C12orf42: variants seen among roughly 807,000 people sequenced by gnomAD.
The protein encoded by C12orf42 is chromosome 12 open reading frame 42.
A neutral mutation model predicts 21.6 loss-of-function variants in C12orf42; 25 were observed. The observed-to-expected ratio is 1.16, with a 90% CI of 0.84 to 1.62. The LOEUF (loss-of-function observed/expected upper bound fraction) is 1.62, where lower values mean the gene tolerates loss of function less well. Among genes scored for constraint, C12orf42 ranks in the 40% most tolerant of loss-of-function variants. The pLI, the probability that C12orf42 is intolerant of heterozygous loss-of-function variation, is 0.00. For synonymous variants in C12orf42, 174 were observed against 175.0 expected (o/e 0.99, Z 0.05); for missense variants, 483 against 459.3 (o/e 1.05, Z -0.47).
chr12:103,560,429 T>A, the C12orf42 span, among the ~76,000 whole-genome samples: 1 of 10,298 alleles, frequency 9.7e-5, no homozygotes, highest in African/African-American at 2.0e-4. Context: ...AGTGTCTTCA[T>A]CTTTTAAATA....
chr12:103,250,874 CTGTG>C (rs3063697), intron 10 of C12orf42, among the ~76,000 whole-genome samples: 3 of 149,492 alleles, frequency 2.0e-5, no homozygotes, highest in East Asian at 2.0e-4. Context: ...TCTTTTATCA[CTGTG>C]TGTGTGTGTG....
chr12:103,121,035 C>A, the C12orf42 span, among the ~76,000 whole-genome samples: 1 of 152,070 alleles, frequency 6.6e-6, no homozygotes, highest in Non-Finnish European at 1.5e-5. Flanking sequence ...CTGGCAAAAT[C>A]ATTTAAGTCA....
chr12:103,425,950 A>T (rs548794249), intron 2 of C12orf42, among the ~76,000 whole-genome samples: 2 of 152,342 alleles, frequency 1.3e-5, no homozygotes, highest in Admixed American at 6.5e-5. Context: ...CAAAAACCCC[A>T]TCCAAAGGTC....
At chr12:103,365,079 A>C (rs976013018) in intron 4 of C12orf42, among the ~76,000 whole-genome samples, 1 of 152,084 alleles carries the variant, frequency 6.6e-6, no homozygotes, top group African/African-American at 2.4e-5. Flanking sequence ...TCCTTAACAA[A>C]ATACTAGCTA....
At chr12:103,421,622 TC>T (rs1161259870) in intron 2 of C12orf42, among the ~76,000 whole-genome samples, 1 of 140,872 alleles carries the variant, frequency 7.1e-6, no homozygotes, top group African/African-American at 2.7e-5. Context: ...TAAATAAATA[TC>T]AGCATGATCA....
At chr12:103,386,034 A>G (rs1316931874) in intron 3 of C12orf42, among the ~76,000 whole-genome samples, 1 of 152,242 alleles carries the variant, frequency 6.6e-6, no homozygotes, top group Non-Finnish European at 1.5e-5. Flanking sequence ...GCACGGTTCT[A>G]GGCATTTCAC....
chr12:103,213,860 C>CTG, the C12orf42 span, among the ~76,000 whole-genome samples: 2 of 152,202 alleles, frequency 1.3e-5, no homozygotes, highest in African/African-American at 4.8e-5. Context: ...TGCCTTTGGA[C>CTG]TGAGTCTGGG....
the C12orf42 span, among the ~76,000 whole-genome samples, chr12:103,118,331 T>G: frequency 6.6e-6 from 1 of 152,164 alleles, no homozygotes; most frequent in Admixed American, 6.5e-5. Context: ...TGAATTGAAT[T>G]GTCTATTGGA....
At chr12:103,407,766 T>C (rs1030365877) in intron 2 of C12orf42, among the ~76,000 whole-genome samples, 6 of 152,138 alleles carry the variant, frequency 3.9e-5, no homozygotes, top group Admixed American at 2.0e-4. Flanking sequence ...TTCATCCCAA[T>C]CCCATAGTGA....
chr12:103,097,860 G>A, the C12orf42 span, among the ~76,000 whole-genome samples: 2 of 152,192 alleles, frequency 1.3e-5, no homozygotes, highest in Non-Finnish European at 2.9e-5. Context: ...CACAAAAGCT[G>A]CTTTTGATAA....
At chr12:103,107,577 A>G in the C12orf42 span, among the ~76,000 whole-genome samples, 6 of 151,968 alleles carry the variant, frequency 3.9e-5, no homozygotes, top group African/African-American at 1.4e-4. Context: ...CAAGATAAGC[A>G]CTACCTTTTA....
chr12:103,152,295 TTG>T, the C12orf42 span, among the ~76,000 whole-genome samples: 1 of 152,154 alleles, frequency 6.6e-6, no homozygotes, highest in East Asian at 1.9e-4. Flanking sequence ...GATAATGACT[TTG>T]TATTGTTTTG....
the C12orf42 span, among the ~76,000 whole-genome samples, chr12:103,111,996 A>G: frequency 6.6e-6 from 1 of 152,198 alleles, no homozygotes; most frequent in Non-Finnish European, 1.5e-5. Context: ...AATTGCTCCA[A>G]TTTCTGATAA....
rs1395371078 is a variant in C12orf42 at position 103,487,768 on chromosome 12, G to T, written c.-22+8134C>A. Among the ~76,000 whole-genome samples the T allele has an allele frequency of 2.0e-5, 3 of 152,062 alleles. No individual in the cohort carries two copies. The East Asian group carries it at 5.8e-4, about 29-fold the overall frequency. ...TTAAAGTCTGTTTTATTCAAGACTA[G>T]GCTTGCAACCCCTCCTTTTTTTTGC... On this transcript the variant is annotated intron_variant, in intron 1 of 5. Transcript: ENST00000548883.
downstream of C12orf42, among the ~76,000 whole-genome samples, chr12:103,266,560 C>T (rs188481143): frequency 4.6e-5 from 7 of 152,216 alleles, no homozygotes; most frequent in Non-Finnish European, 1.0e-4. Flanking sequence ...GGAGTGTCAA[C>T]TTGGTCGAGG....
At chr12:103,267,486 TTATA>T (rs2035227871), downstream of C12orf42, 1 of 152,100 alleles carries the variant, frequency 6.6e-6, no homozygotes, top group Admixed American at 6.5e-5. Flanking sequence ...ATTACACAAA[TTATA>T]TATGTATGTC....
At chr12:103,501,973 G>A in the C12orf42 span, among the ~76,000 whole-genome samples, 1 of 152,132 alleles carries the variant, frequency 6.6e-6, no homozygotes, top group African/African-American at 2.4e-5. Context: ...TACATTGAAA[G>A]CAATAACAAA....
intron 2 of C12orf42, among the ~76,000 whole-genome samples, chr12:103,465,506 T>C (rs894302570): frequency 6.6e-6 from 1 of 152,158 alleles, no homozygotes; most frequent in Admixed American, 6.5e-5. Flanking sequence ...TGGGCTAAAA[T>C]GATGGAGTTT....
chr12:103,212,287 G>C, the C12orf42 span, among the ~76,000 whole-genome samples: 1 of 152,088 alleles, frequency 6.6e-6, no homozygotes, highest in Non-Finnish European at 1.5e-5. Context: ...CCTTTTCACA[G>C]TTTGTTTATT....
Sources: gnomAD v4.1 joint callset for allele counts (sites outside exome capture counted in the v4.1 genomes callset) on GRCh38, gnomAD v4.1.1 for gene constraint, MANE v1.5 for transcripts, NCBI Gene and HGNC (gene_info 2026-07-23, HGNC 2026-07-21) for gene names.